PAK5: variants seen among roughly 807,000 people sequenced by gnomAD.
The protein encoded by PAK5 is serine/threonine-protein kinase PAK 5.
PAK5 carries 16 observed loss-of-function variants against 65.9 expected under a neutral mutation model. The ratio of observed to expected loss-of-function variants is 0.24; its 90% confidence interval spans 0.16 to 0.37. The LOEUF is 0.37. Among genes scored for constraint, PAK5 ranks in the 10% least tolerant of loss-of-function variants. The pLI, the probability that PAK5 is intolerant of heterozygous loss-of-function variation, is 1.00. For synonymous variants in PAK5, 371 were observed against 354.9 expected, an observed-to-expected ratio of 1.05 and a Z score of -0.51; for missense variants, 785 against 903.9, an observed-to-expected ratio of 0.87 and a Z score of 1.69.
chr20:9,779,734 C>A (rs2048922508), intron 1 of PAK5, among the ~76,000 whole-genome samples: 1 of 151,908 alleles, frequency 6.6e-6, no homozygotes, highest in Non-Finnish European at 1.5e-5. Context: ...ACTATTATTA[C>A]AACTCAACTT....
At chr20:9,751,510 C>A (rs761764328) in intron 1 of PAK5, among the ~76,000 whole-genome samples, 32 of 152,158 alleles carry the variant, frequency 2.1e-4, no homozygotes, top group Non-Finnish European at 3.8e-4. Context: ...CTCTCTGAAG[C>A]ATGAATAAAA....
chr20:9,755,926 G>A (rs1239100169), intron 1 of PAK5, among the ~76,000 whole-genome samples: 1 of 152,146 alleles, frequency 6.6e-6, no homozygotes, highest in Non-Finnish European at 1.5e-5. Context: ...TGTTCTTCAT[G>A]GCTCTTATAT....
At chr20:9,736,064 G>A (rs1224783516) in intron 1 of PAK5, among the ~76,000 whole-genome samples, 1 of 151,738 alleles carries the variant, frequency 6.6e-6, no homozygotes, top group South Asian at 2.1e-4. Flanking sequence ...CTCACCCCCA[G>A]CTAATTTTGT....
At chr20:9,813,689 C>T (rs953649272) in intron 1 of PAK5, among the ~76,000 whole-genome samples, 5 of 152,006 alleles carry the variant, frequency 3.3e-5, no homozygotes, top group Non-Finnish European at 5.9e-5. Flanking sequence ...CAAAACCTCA[C>T]GGATGAATCT....
At chr20:9,659,759 T>C (rs2047319057) in intron 2 of PAK5, among the ~76,000 whole-genome samples, 1 of 152,174 alleles carries the variant, frequency 6.6e-6, no homozygotes, top group African/African-American at 2.4e-5. Flanking sequence ...TTTCTTTCTT[T>C]TAAACCACTA....
chr20:9,564,320 C>T (rs6086937), intron 5 of PAK5, among the ~76,000 whole-genome samples: 27,767 of 152,060 alleles, frequency 0.18, 2,785 homozygotes, highest in African/African-American at 0.26. Flanking sequence ...TAAAGTACAA[C>T]AAATATACAG....
At chr20:9,765,577 A>C (rs761117446) in intron 1 of PAK5, among the ~76,000 whole-genome samples, 25 of 152,078 alleles carry the variant, frequency 1.6e-4, no homozygotes, top group Admixed American at 3.9e-4. Flanking sequence ...TAACACTGGT[A>C]GCTTAAAACT....
intron 2 of PAK5, among the ~76,000 whole-genome samples, chr20:9,672,555 C>T (rs1212337323): frequency 6.6e-6 from 1 of 151,934 alleles, no homozygotes. Flanking sequence ...CTCCTGCCTG[C>T]TGCCATGTAA....
At chr20:9,820,284 T>G (rs2049404206) in intron 1 of PAK5, among the ~76,000 whole-genome samples, 1 of 152,210 alleles carries the variant, frequency 6.6e-6, no homozygotes, top group Admixed American at 6.5e-5. Context: ...AAGGAAAGCT[T>G]ATTTTCTTTA....
At chr20:9,751,069 T>C (rs1165150736) in intron 1 of PAK5, among the ~76,000 whole-genome samples, 1 of 152,134 alleles carries the variant, frequency 6.6e-6, no homozygotes, top group Non-Finnish European at 1.5e-5. Flanking sequence ...AAATGTGCAC[T>C]GCAATGTGTT....
intron 4 of PAK5, among the ~76,000 whole-genome samples, chr20:9,573,540 G>A (rs1221309121): frequency 6.6e-6 from 1 of 152,206 alleles, no homozygotes; most frequent in African/African-American, 2.4e-5. Flanking sequence ...ATTTGGCAGT[G>A]TAATCAAGGA....
At chr20:9,604,063 T>C (rs1568992860) in intron 3 of PAK5, among the ~76,000 whole-genome samples, 1 of 152,232 alleles carries the variant, frequency 6.6e-6, no homozygotes, top group Non-Finnish European at 1.5e-5. Context: ...ACACACCTGA[T>C]AGCAATAACT....
chr20:9,699,872 C>T (rs1389874030), intron 2 of PAK5, among the ~76,000 whole-genome samples: 2 of 152,086 alleles, frequency 1.3e-5, no homozygotes, highest in Non-Finnish European at 2.9e-5. Context: ...CACCCGGTCC[C>T]CTCATGCCTA....
At chr20:9,752,697 C>T (rs2048590438) in intron 1 of PAK5, among the ~76,000 whole-genome samples, 1 of 151,968 alleles carries the variant, frequency 6.6e-6, no homozygotes, top group Non-Finnish European at 1.5e-5. Flanking sequence ...GTAAGAATTA[C>T]TGATTTAATA....
intron 1 of PAK5, among the ~76,000 whole-genome samples, chr20:9,769,300 C>T (rs891215513): frequency 3.9e-5 from 6 of 152,160 alleles, no homozygotes; most frequent in South Asian, 2.1e-4. Flanking sequence ...ATCAGTATAG[C>T]GAATATTATC....
At chr20:9,601,334 G>A (rs527568100) in intron 3 of PAK5, among the ~76,000 whole-genome samples, 1 of 152,256 alleles carries the variant, frequency 6.6e-6, no homozygotes, top group Admixed American at 6.5e-5. Flanking sequence ...TACCAGAATG[G>A]GGGAAAGAGG....
intron 1 of PAK5, among the ~76,000 whole-genome samples, chr20:9,830,681 G>A (rs1978641396): frequency 6.6e-6 from 1 of 152,128 alleles, no homozygotes; most frequent in East Asian, 1.9e-4. Flanking sequence ...GGTATATAAG[G>A]ATCAGGCTGA....
intron 4 of PAK5, among the ~76,000 whole-genome samples, chr20:9,572,343 TA>T (rs2122972355): frequency 6.8e-6 from 1 of 148,032 alleles, no homozygotes; most frequent in South Asian, 2.1e-4. Flanking sequence ...TGTTCCATTC[TA>T]AGTTGTCTTT....
intron 2 of PAK5, among the ~76,000 whole-genome samples, chr20:9,670,622 T>C (rs545127589): frequency 4.6e-5 from 7 of 152,344 alleles, no homozygotes; most frequent in Admixed American, 1.3e-4. Flanking sequence ...ATGGGGTTGT[T>C]TGATTTTCTC....
Sources: gnomAD v4.1 joint callset for allele counts (sites outside exome capture counted in the v4.1 genomes callset) on GRCh38, gnomAD v4.1.1 for gene constraint, MANE v1.5 for transcripts, NCBI Gene and HGNC (gene_info 2026-07-23, HGNC 2026-07-21) for gene names.